Variants in SNX29 observed in about 807,000 individuals in gnomAD.
SNX29 encodes the protein sorting nexin-29.
A neutral mutation model predicts 102.1 loss-of-function variants in SNX29; 78 were observed. That is an observed-to-expected ratio of 0.76 (90% confidence interval 0.64 to 0.92). The LOEUF (loss-of-function observed/expected upper bound fraction) is 0.92, where lower values mean the gene tolerates loss of function less well. SNX29 is among the 40% of genes least tolerant of loss of function. The pLI is 0.00. For missense variants in SNX29, 1,280 were observed against 1,061.7 expected, an observed-to-expected ratio of 1.21 and a Z score of -2.86; for synonymous variants, 580 against 414.5, an observed-to-expected ratio of 1.40 and a Z score of -4.85.
chr16:12,568,087 C>G (rs2079088098), intron 20 of SNX29, among the ~76,000 whole-genome samples: 2 of 152,196 alleles, frequency 1.3e-5, no homozygotes, highest in Admixed American at 6.5e-5. Flanking sequence ...AAGTCCGTCT[C>G]CTGTGTTTTG....
At chr16:12,404,540 C>T (rs191323942) in intron 18 of SNX29, among the ~76,000 whole-genome samples, 8 of 152,160 alleles carry the variant, frequency 5.3e-5, no homozygotes, top group African/African-American at 1.4e-4. Flanking sequence ...AAATAATTGT[C>T]GTTAGGTTTT....
intron 3 of SNX29, among the ~76,000 whole-genome samples, chr16:12,014,746 AAAAAG>A (rs1293295810): frequency 8.6e-5 from 13 of 151,618 alleles, no homozygotes; most frequent in African/African-American, 2.4e-4. Flanking sequence ...AAAAAAAAAA[AAAAAG>A]AAAAGAAAAA....
At chr16:12,310,242 T>C (rs1406979147) in intron 15 of SNX29, among the ~76,000 whole-genome samples, 1 of 152,226 alleles carries the variant, frequency 6.6e-6, no homozygotes, top group Non-Finnish European at 1.5e-5. Flanking sequence ...ACCGAAATGC[T>C]ACTTGACCCT....
At chr16:12,337,707 G>T (rs912791974) in intron 15 of SNX29, among the ~76,000 whole-genome samples, 1 of 152,148 alleles carries the variant, frequency 6.6e-6, no homozygotes, top group African/African-American at 2.4e-5. Context: ...TTTTATGGAC[G>T]AAGGGAAGGA....
At chr16:12,499,753 C>T (rs1325473492) in intron 19 of SNX29, among the ~76,000 whole-genome samples, 1 of 152,202 alleles carries the variant, frequency 6.6e-6, no homozygotes, top group African/African-American at 2.4e-5. Context: ...GGCTCACTTG[C>T]AGCCTTGACC....
chr16:12,218,828 G>A (rs939518073), intron 14 of SNX29, among the ~76,000 whole-genome samples: 1 of 152,082 alleles, frequency 6.6e-6, no homozygotes, highest in Admixed American at 6.6e-5. Context: ...AGTCTGGAGT[G>A]CAGTGGCGCG....
intron 3 of SNX29, among the ~76,000 whole-genome samples, chr16:12,024,895 C>T (rs114475236): frequency 1.3e-5 from 2 of 151,936 alleles, no homozygotes; most frequent in African/African-American, 4.8e-5. Context: ...TTGTTTTTTT[C>T]TCTCTGAGAC....
chr16:12,249,766 G>A (rs1327533355), intron 14 of SNX29, among the ~76,000 whole-genome samples: 1 of 152,180 alleles, frequency 6.6e-6, no homozygotes, highest in African/African-American at 2.4e-5. Flanking sequence ...ACTACTTCTT[G>A]GTGCATAGGG....
At chr16:12,316,024 T>A (rs959354922) in intron 15 of SNX29, among the ~76,000 whole-genome samples, 3 of 152,228 alleles carry the variant, frequency 2.0e-5, no homozygotes, top group African/African-American at 7.2e-5. Context: ...CAGATACAGC[T>A]GAGTGCTCCG....
At chr16:12,106,315 T>C (rs1161654142) in intron 11 of SNX29, among the ~76,000 whole-genome samples, 9 of 151,928 alleles carry the variant, frequency 5.9e-5, no homozygotes, top group Admixed American at 5.9e-4. Flanking sequence ...TTAGACAAGG[T>C]AGAATTTTCT....
At chr16:12,358,640 G>T (rs1485593140) in intron 16 of SNX29, among the ~76,000 whole-genome samples, 2 of 152,182 alleles carry the variant, frequency 1.3e-5, no homozygotes, top group African/African-American at 4.8e-5. Flanking sequence ...ATTTCAGAAG[G>T]GGTCCAGCCC....
At chr16:12,475,666 C>G (rs1479707653) in intron 18 of SNX29, among the ~76,000 whole-genome samples, 7 of 152,340 alleles carry the variant, frequency 4.6e-5, no homozygotes, top group East Asian at 1.9e-4. Flanking sequence ...AACACAAAGC[C>G]TATTCTATAA....
Position 12,571,920 on chromosome 16 carries a change from C to A in SNX29, c.*3291C>A, listed in dbSNP as rs1239518637. 1 of 1,062,058 alleles carries A rather than the reference C, an allele frequency of 9.4e-7. No individual in the cohort carries two copies. The highest frequency in any genetic ancestry group is 5.4e-5 in the Admixed American group (1 of 18,596). 65.8% of individuals were successfully genotyped at this position (1,062,058 alleles called of 1,614,324 possible). A position where few individuals can be genotyped will look rare whatever the true frequency, so the allele number is the denominator to read the frequency against. ...CCCCTGCATTTCTCTACTGGCAGGC[C>A]CTGGTGAAGGAAGACACTTTCAGGG... is the stretch of plus-strand genomic sequence containing the variant. On this transcript the variant is annotated 3_prime_UTR_variant, in exon 21 of 21. Transcript: ENST00000566228.
intron 14 of SNX29, among the ~76,000 whole-genome samples, chr16:12,236,250 T>C (rs552997738): frequency 1.5e-3 from 229 of 152,338 alleles, no homozygotes; most frequent in Non-Finnish European, 2.5e-3. Flanking sequence ...GGGAATGCGG[T>C]CACTGTTAGT....
chr16:12,451,848 A>G (rs774970508), intron 18 of SNX29, among the ~76,000 whole-genome samples: 2 of 152,232 alleles, frequency 1.3e-5, no homozygotes, highest in African/African-American at 2.4e-5. Flanking sequence ...TGGGTGACAG[A>G]GCAAGACTTC....
intron 18 of SNX29, among the ~76,000 whole-genome samples, chr16:12,471,214 C>G (rs1047648439): frequency 1.3e-5 from 2 of 152,196 alleles, no homozygotes; most frequent in Admixed American, 6.5e-5. Flanking sequence ...GTCTGCCTGA[C>G]TCCCTCCCCA....
chr16:12,518,262 C>T (rs910342242), intron 19 of SNX29, among the ~76,000 whole-genome samples: 2 of 152,156 alleles, frequency 1.3e-5, no homozygotes, highest in Non-Finnish European at 2.9e-5. Context: ...CTCCCACCTC[C>T]CGTTGGCTTT....
chr16:12,570,267 T>G lies in SNX29; in HGVS notation c.*1638T>G, dbSNP rs2079158961. On this transcript the variant is annotated 3_prime_UTR_variant, in exon 21 of 21. Transcript: ENST00000566228. ...AAATGAGCTGGAGCATGTATGGAGG[T>G]GCGGACCCTGCAGTCAGTTTGCGAG... 9.4e-7 allele frequency: 1 copy of G among 1,064,596 alleles called. No homozygotes were observed. 65.9% of individuals were successfully genotyped at this position (1,064,596 alleles called of 1,614,324 possible).
chr16:12,125,239 G>A (rs964553070), intron 11 of SNX29, among the ~76,000 whole-genome samples: 3 of 152,124 alleles, frequency 2.0e-5, no homozygotes, highest in Admixed American at 6.5e-5. Flanking sequence ...CATTTTGGGG[G>A]GCATGCCAGC....
Sources: gnomAD v4.1 joint callset for allele counts (sites outside exome capture counted in the v4.1 genomes callset) on GRCh38, gnomAD v4.1.1 for gene constraint, MANE v1.5 for transcripts, NCBI Gene and HGNC (gene_info 2026-07-23, HGNC 2026-07-21) for gene names.